Variants in SNTB2 observed in about 807,000 individuals in gnomAD.
The protein encoded by SNTB2 is syntrophin beta 2.
SNTB2 carries 34 observed loss-of-function variants against 46.2 expected under a neutral mutation model. The observed-to-expected ratio is 0.74, with a 90% CI of 0.56 to 0.98. The LOEUF (loss-of-function observed/expected upper bound fraction) is 0.98, where lower values mean the gene tolerates loss of function less well. Ranked by LOEUF, SNTB2 falls within the 50% of genes least tolerant of loss-of-function variation. SNTB2 has a pLI of 0.00. For synonymous variants in SNTB2, 290 were observed against 312.6 expected, an observed-to-expected ratio of 0.93 and a Z score of 0.76; for missense variants, 603 against 731.4, an observed-to-expected ratio of 0.82 and a Z score of 2.02.
chr16:69,205,936 T>G (rs577968059), intron 1 of SNTB2, among the ~76,000 whole-genome samples: 2 of 152,308 alleles, frequency 1.3e-5, no homozygotes, highest in South Asian at 2.1e-4. Context: ...GGTCCTATAC[T>G]CAGCTATGTG....
chr16:69,216,691 C>G (rs912582991), intron 1 of SNTB2, among the ~76,000 whole-genome samples: 21 of 151,802 alleles, frequency 1.4e-4, no homozygotes, highest in African/African-American at 3.4e-4. Context: ...CTGCCCCCCC[C>G]CCAAAAAAAA....
chr16:69,286,787 T>C lies in SNTB2; in HGVS notation c.1345+2543T>C, dbSNP rs145563024. ...TGCTCAGGTGGCTAAGGTAGGAAGA[T>C]TGCTTGAGCCCATTTCAGGGCTGTA... is the stretch of plus-strand genomic sequence containing the variant. On this transcript the variant is annotated intron_variant, in intron 5 of 6. Coordinates refer to ENST00000336278, the MANE Select transcript of SNTB2 (RefSeq NM_006750.4). 6.7e-4 allele frequency among the ~76,000 whole-genome samples: 101 copies of C among 151,546 alleles called. 2 individuals are homozygous for C. The East Asian group carries it at 0.017, about 25-fold the overall frequency.
At chr16:69,228,852 G>A (rs1254066310) in intron 1 of SNTB2, among the ~76,000 whole-genome samples, 1 of 152,132 alleles carries the variant, frequency 6.6e-6, no homozygotes, top group African/African-American at 2.4e-5. Context: ...TTTTGCAAAT[G>A]AGAAAACTGA....
chr16:69,267,994 A>G (rs571666062), intron 3 of SNTB2, among the ~76,000 whole-genome samples: 1 of 152,334 alleles, frequency 6.6e-6, no homozygotes, highest in East Asian at 1.9e-4. Flanking sequence ...TGAGGAGGGA[A>G]AAGTTTTGAT....
intron 1 of SNTB2, chr16:69,240,563 TGCACAGCCAGA>T (rs2152296207): frequency 6.6e-6 from 1 of 152,292 alleles, no homozygotes; most frequent in South Asian, 2.1e-4. Flanking sequence ...CTGTGCAAAA[TGCACAGCCAGA>T]TATTCCACTC....
intron 4 of SNTB2, among the ~76,000 whole-genome samples, chr16:69,281,509 T>G (rs967097180): frequency 9.2e-5 from 14 of 151,772 alleles, no homozygotes; most frequent in African/African-American, 3.1e-4. Context: ...GTTTTTTTTT[T>G]TTTACATATG....
chr16:69,248,928 G>A (rs1399380711), intron 2 of SNTB2, among the ~76,000 whole-genome samples: 2 of 147,580 alleles, frequency 1.4e-5, no homozygotes, highest in African/African-American at 2.5e-5. Flanking sequence ...ATGGAGAAAC[G>A]ATGTGATAAA....
intron 4 of SNTB2, among the ~76,000 whole-genome samples, chr16:69,271,324 A>G (rs1964935279): frequency 6.6e-6 from 1 of 152,162 alleles, no homozygotes; most frequent in African/African-American, 2.4e-5. Context: ...TCAGGACAGA[A>G]TAGTCCTGCA....
intron 5 of SNTB2, among the ~76,000 whole-genome samples, chr16:69,290,439 G>A (rs1458287467): frequency 2.0e-5 from 3 of 152,058 alleles, no homozygotes; most frequent in Non-Finnish European, 4.4e-5. Context: ...AATATAGGTA[G>A]GAATTACGTT....
intron 1 of SNTB2, among the ~76,000 whole-genome samples, chr16:69,214,381 C>A (rs1447950343): frequency 6.6e-6 from 1 of 151,524 alleles, no homozygotes; most frequent in Non-Finnish European, 1.5e-5. Context: ...CTCCTGACCT[C>A]AAGTGATCTG....
At chr16:69,274,210 G>C (rs576236495) in intron 4 of SNTB2, among the ~76,000 whole-genome samples, 1 of 151,886 alleles carries the variant, frequency 6.6e-6, no homozygotes, top group East Asian at 1.9e-4. Flanking sequence ...TACTTGGGAA[G>C]CTAAGGCAGA....
chr16:69,224,890 G>A (rs1265667686), intron 1 of SNTB2, among the ~76,000 whole-genome samples: 1 of 152,136 alleles, frequency 6.6e-6, no homozygotes, highest in Non-Finnish European at 1.5e-5. Flanking sequence ...ATTATCAGCA[G>A]ATAAAGTTAC....
chr16:69,236,538 T>C (rs1964562365), intron 1 of SNTB2, among the ~76,000 whole-genome samples: 1 of 151,870 alleles, frequency 6.6e-6, no homozygotes, highest in Non-Finnish European at 1.5e-5. Context: ...GAGTTTCAGT[T>C]TGGGAAAATG....
chr16:69,214,130 T>TTA (rs1477904554), intron 1 of SNTB2, among the ~76,000 whole-genome samples: 3 of 149,558 alleles, frequency 2.0e-5, no homozygotes, highest in African/African-American at 7.4e-5. Flanking sequence ...GCCTTTTATT[T>TTA]TTTTTTTTTT....
At chr16:69,281,905 C>CTTTTTTTTTTT (rs776664092) in intron 4 of SNTB2, among the ~76,000 whole-genome samples, 1 of 125,322 alleles carries the variant, frequency 8.0e-6, no homozygotes, top group African/African-American at 3.0e-5. Flanking sequence ...TTGTTTCTCT[C>CTTTTTTTTTTT]TTTTTTTTTT....
intron 1 of SNTB2, among the ~76,000 whole-genome samples, chr16:69,198,253 C>T (rs983363660): frequency 6.6e-6 from 1 of 151,824 alleles, no homozygotes; most frequent in Admixed American, 6.6e-5. Context: ...GGACTACAGT[C>T]CTACACCACC....
At chr16:69,243,407 T>G (rs1490996479) in intron 1 of SNTB2, among the ~76,000 whole-genome samples, 1 of 152,248 alleles carries the variant, frequency 6.6e-6, no homozygotes, top group East Asian at 1.9e-4. Context: ...ATAAAATTCA[T>G]TGCTCTTTTA....
intron 1 of SNTB2, among the ~76,000 whole-genome samples, chr16:69,221,662 G>C (rs1964406342): frequency 6.6e-6 from 1 of 152,128 alleles, no homozygotes; most frequent in African/African-American, 2.4e-5. Context: ...TGTAATCCCA[G>C]CTCCTCGGGA....
At chr16:69,189,006 G>T (rs1435512412) in intron 1 of SNTB2, among the ~76,000 whole-genome samples, 7 of 152,162 alleles carry the variant, frequency 4.6e-5, no homozygotes, top group Admixed American at 4.6e-4. Flanking sequence ...GAAGGGAAGG[G>T]CTGGGGGCTG....
Sources: gnomAD v4.1 joint callset for allele counts (sites outside exome capture counted in the v4.1 genomes callset) on GRCh38, gnomAD v4.1.1 for gene constraint, MANE v1.5 for transcripts, NCBI Gene and HGNC (gene_info 2026-07-23, HGNC 2026-07-21) for gene names.